The following DTNBP1 variants were observed in gnomAD, a reference collection of about 807,000 sequenced individuals.
DTNBP1 encodes dysbindin.
In DTNBP1, 35 loss-of-function variants were observed where a neutral mutation model predicts 42.8. That is an observed-to-expected ratio of 0.82 (90% CI 0.63 to 1.09). The LOEUF (loss-of-function observed/expected upper bound fraction) is 1.09, where lower values mean the gene tolerates loss of function less well. Ranked by LOEUF, DTNBP1 falls within the 50% of genes least tolerant of loss-of-function variation. The pLI is 0.00. For synonymous variants in DTNBP1, 171 were observed against 162.2 expected, an observed-to-expected ratio of 1.05 and a Z score of -0.41; for missense variants, 457 against 424.2, an observed-to-expected ratio of 1.08 and a Z score of -0.68.
intron 6 of DTNBP1, among the ~76,000 whole-genome samples, chr6:15,602,558 ACTC>A (rs1160781350): frequency 6.6e-6 from 1 of 152,204 alleles, no homozygotes; most frequent in East Asian, 1.9e-4. Context: ...TGGAACATAA[ACTC>A]CAACACAACT....
At chr6:15,542,660 G>A (rs758295149) in intron 7 of DTNBP1, among the ~76,000 whole-genome samples, 7 of 151,876 alleles carry the variant, frequency 4.6e-5, no homozygotes, top group Admixed American at 6.6e-5. Flanking sequence ...GTGAGCCATC[G>A]CACCTGGCCA....
chr6:15,657,096 C>A (rs917088752), intron 1 of DTNBP1, among the ~76,000 whole-genome samples: 1 of 152,056 alleles, frequency 6.6e-6, no homozygotes, highest in African/African-American at 2.4e-5. Flanking sequence ...AGGTACAAAG[C>A]CTAAGAAATT....
At chr6:15,593,934 T>C (rs1367921307) in intron 6 of DTNBP1, among the ~76,000 whole-genome samples, 1 of 152,178 alleles carries the variant, frequency 6.6e-6, no homozygotes, top group African/African-American at 2.4e-5. Context: ...TCTACACACC[T>C]AATTACAATA....
intron 7 of DTNBP1, among the ~76,000 whole-genome samples, chr6:15,537,697 G>A (rs1330959019): frequency 6.6e-6 from 1 of 152,054 alleles, no homozygotes; most frequent in African/African-American, 2.4e-5. Flanking sequence ...GAGATCTGAC[G>A]GTTTTGTGTT....
At chr6:15,595,978 T>G (rs1776500467) in intron 6 of DTNBP1, among the ~76,000 whole-genome samples, 2 of 152,194 alleles carry the variant, frequency 1.3e-5, no homozygotes, top group South Asian at 4.1e-4. Flanking sequence ...ACGTTCTAGC[T>G]GTGATGGATG....
At chr6:15,643,489 T>C (rs1760495085) in intron 3 of DTNBP1, among the ~76,000 whole-genome samples, 1 of 148,820 alleles carries the variant, frequency 6.7e-6, no homozygotes, top group African/African-American at 2.5e-5. Flanking sequence ...AGACAAACAG[T>C]CATCAGACTA....
At chr6:15,641,407 C>G (rs1316778086) in intron 3 of DTNBP1, among the ~76,000 whole-genome samples, 2 of 152,112 alleles carry the variant, frequency 1.3e-5, no homozygotes, top group Non-Finnish European at 2.9e-5. Flanking sequence ...CAGCAAGACT[C>G]TGGCAGAGAT....
chr6:15,639,970 C>T (rs901939703), intron 3 of DTNBP1, among the ~76,000 whole-genome samples: 5 of 152,194 alleles, frequency 3.3e-5, no homozygotes, highest in Admixed American at 2.0e-4. Context: ...ATGCTTTTCA[C>T]ATCCACCTTG....
chr6:15,590,230 G>A (rs544748796), intron 7 of DTNBP1, among the ~76,000 whole-genome samples: 7 of 152,070 alleles, frequency 4.6e-5, no homozygotes, highest in South Asian at 2.1e-4. Flanking sequence ...CACCATGCCC[G>A]GCCTATTCAT....
At chr6:15,611,255 C>A (rs1026557254) in intron 6 of DTNBP1, among the ~76,000 whole-genome samples, 1 of 152,102 alleles carries the variant, frequency 6.6e-6, no homozygotes, top group Non-Finnish European at 1.5e-5. Context: ...AACAACAAAG[C>A]CTGGGTGAAA....
chr6:15,600,294 G>A (rs751877461), intron 6 of DTNBP1, among the ~76,000 whole-genome samples: 2 of 152,200 alleles, frequency 1.3e-5, no homozygotes, highest in East Asian at 1.9e-4. Context: ...GCCCAGCACC[G>A]CTACTTCCAA....
Position 15,627,365 on chromosome 6 carries a change from TA to T in DTNBP1, c.332del (p.Leu111Ter), listed in dbSNP as rs1759408424. 1 of 1,613,696 alleles carries T rather than the reference TA, an allele frequency of 6.2e-7. No individual in the cohort carries two copies. The highest frequency in any genetic ancestry group is 8.5e-7 in the Non-Finnish European group (1 of 1,179,932). ...LQQLPALIAD[L>X]ESMTANLTHL... The stretch of plus-strand genomic sequence containing the variant: ...TACTCAGATTTGCTGTCATGGATTC[TA>T]AGTCTGCGATTAAAGCTGGGAGCTG... On this transcript the variant is annotated frameshift_variant, in exon 5 of 10. Transcript: ENST00000344537. LOFTEE classifies it high-confidence loss of function.
chr6:15,617,029 G>C (rs1440290442), intron 5 of DTNBP1, among the ~76,000 whole-genome samples: 1 of 152,140 alleles, frequency 6.6e-6, no homozygotes, highest in Non-Finnish European at 1.5e-5. Flanking sequence ...ATTTACAATA[G>C]TTACAAAATA....
At chr6:15,621,633 C>T (rs529545089) in intron 5 of DTNBP1, among the ~76,000 whole-genome samples, 4 of 152,270 alleles carry the variant, frequency 2.6e-5, no homozygotes, top group African/African-American at 7.2e-5. Context: ...CTGCTAACAC[C>T]AAATTCATAT....
At chr6:15,548,948 AT>A (rs1398460701) in intron 7 of DTNBP1, among the ~76,000 whole-genome samples, 3 of 152,142 alleles carry the variant, frequency 2.0e-5, no homozygotes, top group Middle Eastern at 3.2e-3. Flanking sequence ...AAAAATGTAT[AT>A]TTTTCTATCT....
chr6:15,610,227 G>C (rs976903572), intron 6 of DTNBP1, among the ~76,000 whole-genome samples: 1 of 152,162 alleles, frequency 6.6e-6, no homozygotes, highest in African/African-American at 2.4e-5. Flanking sequence ...TATCTTTCAA[G>C]ATCCTGGTGC....
At chr6:15,524,705 C>A (rs775493526) in intron 8 of DTNBP1, 36 bp from the exon 9 acceptor site, 6 of 1,606,980 alleles carry the variant, frequency 3.7e-6, no homozygotes, top group Non-Finnish European at 5.1e-6. Flanking sequence ...GACACGCTGT[C>A]TTTAATATTA....
intron 7 of DTNBP1, among the ~76,000 whole-genome samples, chr6:15,542,867 T>C (rs746050449): frequency 6.6e-6 from 1 of 151,874 alleles, no homozygotes; most frequent in Non-Finnish European, 1.5e-5. Context: ...ACCTGGCTCA[T>C]TTTTGTATTT....
chr6:15,621,090 T>C (rs1330475226), intron 5 of DTNBP1, among the ~76,000 whole-genome samples: 4 of 152,242 alleles, frequency 2.6e-5, no homozygotes, highest in African/African-American at 4.8e-5. Flanking sequence ...TAGATCAAAA[T>C]GTCAACAACA....
Sources: allele counts gnomAD v4.1 joint callset (sites outside exome capture counted in the v4.1 genomes callset), GRCh38; gene constraint gnomAD v4.1.1; transcripts MANE v1.5; gene names NCBI Gene and HGNC (gene_info 2026-07-23, HGNC 2026-07-21).